Variants in DHX33 observed in about 807,000 individuals in gnomAD.
The protein encoded by DHX33 is ATP-dependent RNA helicase DHX33.
In DHX33, 42 loss-of-function variants were observed where a neutral mutation model predicts 72.5. That is an observed-to-expected ratio of 0.58 (90% confidence interval 0.45 to 0.75). The LOEUF (loss-of-function observed/expected upper bound fraction) is 0.75, where lower values mean the gene tolerates loss of function less well. DHX33 is among the 30% of genes least tolerant of loss of function. The probability of loss-of-function intolerance (pLI) is 0.00; values close to 1 mark genes in which losing one functional copy is unlikely to be tolerated. For synonymous variants in DHX33, 358 were observed against 366.1 expected (o/e 0.98, Z 0.25); for missense variants, 842 against 917.5 (o/e 0.92, Z 1.06).
intron 6 of DHX33, among the ~76,000 whole-genome samples, chr17:5,454,364 TG>T (rs1917097200): frequency 6.6e-6 from 1 of 152,112 alleles, no homozygotes; most frequent in Non-Finnish European, 1.5e-5. Context: ...CAAACTAGGA[TG>T]GGGGTCATAC....
intron 2 of DHX33, 111 bp from the exon 3 acceptor site, chr17:5,462,657 C>A (rs1009802308): frequency 6.9e-6 from 5 of 727,166 alleles, no homozygotes; most frequent in Admixed American, 2.1e-5. Context: ...AACACCAACG[C>A]TTCCCACTCC....
intron 4 of DHX33, 86 bp downstream of exon 4, chr17:5,460,850 CAGT>C (rs1332558102): frequency 6.8e-7 from 1 of 1,459,874 alleles, no homozygotes; most frequent in Non-Finnish European, 9.3e-7. Context: ...TTGTTTTATT[CAGT>C]AGCTTTTCTT....
intron 11 of DHX33, among the ~76,000 whole-genome samples, chr17:5,447,459 C>T (rs1487111621): frequency 6.6e-6 from 1 of 152,108 alleles, no homozygotes; most frequent in East Asian, 1.9e-4. Flanking sequence ...CTCGTCTCTA[C>T]TAAAAATACA....
chr17:5,448,981 C>T (rs1188521733), intron 10 of DHX33, 86 bp from the exon 11 acceptor site: 3 of 1,033,624 alleles, frequency 2.9e-6, no homozygotes, highest in African/African-American at 3.2e-5. Flanking sequence ...GTTCCCTAGG[C>T]TGGAGTGCAG....
chr17:5,460,530 G>A (rs1904544315), intron 4 of DHX33, among the ~76,000 whole-genome samples: 2 of 144,498 alleles, frequency 1.4e-5, no homozygotes, highest in Non-Finnish European at 1.5e-5. Context: ...TTTTTCAGAC[G>A]GAGTCTCCCT....
intron 2 of DHX33, among the ~76,000 whole-genome samples, chr17:5,462,907 G>A (rs932625928): frequency 6.6e-6 from 1 of 151,854 alleles, no homozygotes; most frequent in Non-Finnish European, 1.5e-5. Flanking sequence ...CTGAAATCCC[G>A]TCTCTACTAA....
At position 5,443,698 on chromosome 17, in the gene DHX33, A is replaced by G. The variant is rs1043778123; in HGVS notation, c.*507T>C. ...TAAACAAGAACTAAGGGCAACATCC[A>G]AGCTCCGCAACCTCCTGTGGCCCTT... is the stretch of plus-strand genomic sequence containing the variant. On this transcript the variant is annotated 3_prime_UTR_variant, in exon 12 of 12. Transcript: ENST00000225296. 2.6e-5 allele frequency: 4 copies of G among 153,410 alleles called. No individual in the cohort carries two copies. The highest frequency in any genetic ancestry group is 9.6e-5 in the African/African-American group (4 of 41,456). 9.5% of individuals were successfully genotyped at this position (153,410 alleles called of 1,614,324 possible). A position where few individuals can be genotyped will look rare whatever the true frequency, so the allele number is the denominator to read the frequency against.
At position 5,450,836 on chromosome 17, in the gene DHX33, C is replaced by A; in HGVS notation, c.1495G>T (p.Ala499Ser). 1 of 1,614,202 alleles carries A rather than the reference C, an allele frequency of 6.2e-7. No individual in the cohort carries two copies. The highest frequency in any genetic ancestry group is 8.5e-7 in the Non-Finnish European group (1 of 1,180,028). Residue 499 changes from alanine (A) to serine (S), a missense_variant, in exon 9 of 12, where the codon GCA becomes TCA. Physicochemically the swap from Ala to Ser is moderately conservative, Grantham distance 99 (BLOSUM62 1). Transcript: ENST00000225296. ...GCAAATTTGGGTTCTAAAGGAAATG[C>A]TGCCATCTTTCTTCCCATTGGAGTC... ...TLTPMGRKMA[A>S]FPLEPKFAKT...
intron 1 of DHX33, among the ~76,000 whole-genome samples, chr17:5,465,539 A>G (rs546088877): frequency 2.6e-5 from 4 of 152,216 alleles, no homozygotes; most frequent in Non-Finnish European, 5.9e-5. Context: ...AGCATTTTAA[A>G]TGTGAAAATC....
rs144464374 is a variant in DHX33, at chr17:5,453,938, G to A, written c.1190C>T (p.Thr397Met). The change falls in exon 7 of 12, where the codon ACG (threonine) becomes ATG (methionine). Residue 397 changes from threonine (T) to methionine (M), a missense_variant. By Grantham distance (81) the Thr-to-Met change is moderately conservative. Transcript: ENST00000225296. ...CCTCCCTGTGCGCTGCCAAGCCTGC[G>A]TCTTCGATACCCGCTGCACTGCTAA... ...EVLAVQRVSK[T>M]QAWQRTGRAG... 692 of 1,614,122 alleles carry A rather than the reference G, an allele frequency of 4.3e-4. No individual in the cohort carries two copies. The highest frequency in any genetic ancestry group is 4.6e-4 in the Non-Finnish European group (546 of 1,180,044).
chr17:5,447,734 C>G (rs1314285776), intron 11 of DHX33, among the ~76,000 whole-genome samples: 1 of 152,196 alleles, frequency 6.6e-6, no homozygotes, highest in African/African-American at 2.4e-5. Flanking sequence ...ACAGCACATA[C>G]GGAGGATGGT....
At chr17:5,460,001 A>G (rs1904506664) in intron 4 of DHX33, among the ~76,000 whole-genome samples, 1 of 150,978 alleles carries the variant, frequency 6.6e-6, no homozygotes, top group South Asian at 2.1e-4. Context: ...ACGGGGTTGC[A>G]AAAGAAAAAG....
rs1018639264 is a variant in DHX33, at chr17:5,441,584, G to A, written c.*2621C>T. 2.6e-5 allele frequency: 4 copies of A among 152,148 alleles called. No homozygotes were observed. The highest frequency in any genetic ancestry group is 9.7e-5 in the African/African-American group (4 of 41,416). The allele number at this position is 152,148 out of a possible 1,614,324, so 9.4% of individuals were successfully genotyped here. ...TTAAGTTTAAAGTGTACTATCTCCTGCAGCTCAATATAAACAACGATGTAT... is the reference window on the plus strand; with the variant it reads ...TTAAGTTTAAAGTGTACTATCTCCTACAGCTCAATATAAACAACGATGTAT... On this transcript the variant is annotated 3_prime_UTR_variant, in exon 12 of 12. Transcript: ENST00000225296.
Position 5,444,437 on chromosome 17 carries a change from C to G in DHX33, c.1892G>C (p.Ser631Thr). 6.2e-7 allele frequency: 1 copy of G among 1,614,204 alleles called. No homozygotes were observed. Among genetic ancestry groups the G allele is most frequent in the Non-Finnish European group, 8.5e-7 (1 of 1,180,050 alleles). Residue 631 changes from serine to threonine, a missense_variant, in exon 12 of 12, where the codon AGC becomes ACC. Ser to Thr is a moderately conservative substitution (Grantham distance 58, BLOSUM62 1). Transcript: ENST00000225296. This position sits in a 1 kb window ranked among gnomAD's most constrained non-coding sequence, Gnocchi z 4.9. ...GCCATCTGGCTGAAGCTCGGCGGTGCTCATGAAGAGGCTGTGAGCCAGGCA... is the reference window on the plus strand; with the variant it reads ...GCCATCTGGCTGAAGCTCGGCGGTGGTCATGAAGAGGCTGTGAGCCAGGCA... Reference protein sequence around the residue: ...RRCLAHSLFMSTAELQPDGTY... With the variant: ...RRCLAHSLFMTTAELQPDGTY...
chr17:5,450,097 G>T, intron 10 of DHX33, 106 bp downstream of exon 10: 2 of 1,352,986 alleles, frequency 1.5e-6, no homozygotes, highest in Non-Finnish European at 1.0e-6. Context: ...AGATAATTTA[G>T]CCAAAAAGGG....
chr17:5,466,439 C>T (rs1224416969), intron 1 of DHX33, among the ~76,000 whole-genome samples: 4 of 152,160 alleles, frequency 2.6e-5, no homozygotes, highest in Non-Finnish European at 5.9e-5. Flanking sequence ...CAGCTTCCCT[C>T]CTTTTTCCTC....
Position 5,456,031 on chromosome 17 carries a change from G to A in DHX33, c.1001C>T (p.Ala334Val). ...CCCTTGGAAGACTCGGAGCTGCTGT[G>A]CATAGGGCAGGGAGGCGTACAGAGG... ...VLPLYASLPY[A>V]QQLRVFQGAP... Residue 334 changes from alanine to valine, a missense_variant, in exon 5 of 12, where the codon GCA (alanine) becomes GTA (valine). Transcript: ENST00000225296. The A allele has an allele frequency of 2.5e-6, 4 of 1,613,020 alleles. No individual in the cohort carries two copies. Among genetic ancestry groups the A allele is most frequent in the Non-Finnish European group, 3.4e-6 (4 of 1,180,024 alleles).
chr17:5,450,884 G>A lies in DHX33; in HGVS notation c.1447C>T (p.His483Tyr). The change falls in exon 9 of 12, where the codon CAT becomes TAT. Residue 483 changes from histidine to tyrosine, a missense_variant. Coordinates refer to ENST00000225296, the MANE Select transcript of DHX33 (RefSeq NM_020162.4). ...AQLDLLGALE[H>Y]KDDQLTLTPM... ...GTCAGGGTAAGCTGGTCATCCTTAT[G>A]TTCAAGAGCACCTAACAGGTCCAGT... 6.2e-7 allele frequency: 1 copy of A among 1,614,062 alleles called. No homozygotes were observed. The highest frequency in any genetic ancestry group is 8.5e-7 in the Non-Finnish European group (1 of 1,180,012).
Position 5,462,396 on chromosome 17 carries a change from T to A in DHX33, c.601A>T (p.Ile201Phe), listed in dbSNP as rs202095185. Residue 201 changes from isoleucine (I) to phenylalanine (F), a missense_variant, in exon 3 of 12, where the codon ATC becomes TTC. Coordinates refer to ENST00000225296, the MANE Select transcript of DHX33 (RefSeq NM_020162.4). ...VILDEAHERT[I>F]HTDVLFGVVK... Reference sequence around the variant, plus strand: ...ACTCCAAAGAGCACATCTGTGTGGATAGTCCGTTCGTGAGCTTCATCCAAA... The same window carrying A: ...ACTCCAAAGAGCACATCTGTGTGGAAAGTCCGTTCGTGAGCTTCATCCAAA... 2 of 1,614,098 alleles carry A rather than the reference T, an allele frequency of 1.2e-6. No individual in the cohort carries two copies. Among genetic ancestry groups the A allele is most frequent in the Non-Finnish European group, 1.7e-6 (2 of 1,180,040 alleles).
Sources: gnomAD v4.1 joint callset for allele counts (sites outside exome capture counted in the v4.1 genomes callset) on GRCh38, gnomAD v4.1.1 for gene constraint, Gnocchi (gnomAD v3.1) non-coding constraint, MANE v1.5 for transcripts, NCBI Gene and HGNC (gene_info 2026-07-23, HGNC 2026-07-21) for gene names.